FGF14: variants seen among roughly 807,000 people sequenced by gnomAD.
FGF14 encodes the protein fibroblast growth factor homologous factor 4.
In FGF14, 5 loss-of-function variants were observed where a neutral mutation model predicts 25.5. The ratio of observed to expected loss-of-function variants is 0.20; its 90% CI spans 0.10 to 0.41. FGF14 has a LOEUF of 0.41. FGF14 is among the 10% of genes least tolerant of loss of function. FGF14 has a pLI of 1.00. For missense variants in FGF14, 222 were observed against 320.1 expected, an observed-to-expected ratio of 0.69 and a Z score of 2.34; for synonymous variants, 138 against 118.3, an observed-to-expected ratio of 1.17 and a Z score of -1.08.
chr13:102,029,593 A>T (rs536053406), intron 1 of FGF14, among the ~76,000 whole-genome samples: 1 of 152,256 alleles, frequency 6.6e-6, no homozygotes, highest in African/African-American at 2.4e-5. Flanking sequence ...CAGCTCCTCC[A>T]GGCTATGATT....
intron 1 of FGF14, among the ~76,000 whole-genome samples, chr13:101,927,992 T>G (rs2034484857): frequency 6.6e-6 from 1 of 152,110 alleles, no homozygotes; most frequent in African/African-American, 2.4e-5. Context: ...CCCTCTTTCA[T>G]CCCCGGTGAC....
chr13:102,146,781 A>G (rs1422545847), intron 1 of FGF14, among the ~76,000 whole-genome samples: 1 of 152,190 alleles, frequency 6.6e-6, no homozygotes, highest in Non-Finnish European at 1.5e-5. Flanking sequence ...CGATAAAAAT[A>G]TACATTTTTT....
At chr13:102,392,107 A>G (rs1231152970) in intron 1 of FGF14, among the ~76,000 whole-genome samples, 1 of 152,252 alleles carries the variant, frequency 6.6e-6, no homozygotes, top group East Asian at 1.9e-4. Context: ...AGCATTACAG[A>G]TAAGGTTACC....
Position 101,719,176 on chromosome 13 carries a change from AACTT to A in FGF14, c.*3651_*3654del, listed in dbSNP as rs1275174747. On this transcript the variant is annotated 3_prime_UTR_variant, in exon 5 of 5. Coordinates refer to ENST00000376143, the MANE Select transcript of FGF14 (RefSeq NM_004115.4). ...ATTTTAAATGAAGTGATACGTGTCT[AACTT>A]ACTTAAAGAATAAGTTTTTGGTTTT... 3 of 152,156 alleles carry A rather than the reference AACTT, an allele frequency of 2.0e-5. No homozygotes were observed. Among genetic ancestry groups the A allele is most frequent in the African/African-American group, 4.8e-5 (2 of 41,442 alleles). The allele number at this position is 152,156 out of a possible 1,614,324, so 9.4% of individuals were successfully genotyped here. A position where few individuals can be genotyped will look rare whatever the true frequency, so the allele number is the denominator to read the frequency against.
chr13:102,188,275 A>C (rs1055864954), intron 1 of FGF14, among the ~76,000 whole-genome samples: 9 of 152,216 alleles, frequency 5.9e-5, no homozygotes, highest in African/African-American at 2.2e-4. Flanking sequence ...ATAAAAATTT[A>C]GACTGGGAAA....
intron 1 of FGF14, among the ~76,000 whole-genome samples, chr13:102,322,240 T>G (rs916300200): frequency 6.6e-6 from 1 of 152,244 alleles, no homozygotes; most frequent in Non-Finnish European, 1.5e-5. Flanking sequence ...AGTGGCTTAA[T>G]GCTTGCCGTG....
chr13:101,910,873 TGTGTGTGTGTGTGTGTGTG>T (rs2032858296), intron 1 of FGF14, among the ~76,000 whole-genome samples: 1 of 150,356 alleles, frequency 6.7e-6, no homozygotes, highest in South Asian at 2.1e-4. Flanking sequence ...TGTGTGTGTG[TGTGTGTGTGTGTGTGTGTG>T]TTTTAGTTGT....
chr13:102,096,036 C>T, intron 1 of FGF14, among the ~76,000 whole-genome samples: 2 of 147,942 alleles, frequency 1.4e-5, no homozygotes, highest in African/African-American at 2.5e-5. Flanking sequence ...CTTTATTTGA[C>T]ATAAAGAGGA....
At chr13:102,298,969 C>T (rs2054879294) in intron 1 of FGF14, among the ~76,000 whole-genome samples, 1 of 152,130 alleles carries the variant, frequency 6.6e-6, no homozygotes. Flanking sequence ...ATACAGATTA[C>T]ACTAGACGTG....
chr13:102,232,954 C>T (rs1362933338), intron 1 of FGF14, among the ~76,000 whole-genome samples: 1 of 152,078 alleles, frequency 6.6e-6, no homozygotes, highest in Non-Finnish European at 1.5e-5. Flanking sequence ...AGGAGTGTCC[C>T]CCACCTTTTC....
At chr13:101,753,433 C>CT (rs1488759321) in intron 3 of FGF14, among the ~76,000 whole-genome samples, 1 of 151,962 alleles carries the variant, frequency 6.6e-6, no homozygotes, top group Non-Finnish European at 1.5e-5. Context: ...TATTGATTTG[C>CT]TTTTTTGGAT....
At chr13:102,180,305 A>G (rs1182705488) in intron 1 of FGF14, among the ~76,000 whole-genome samples, 6 of 151,884 alleles carry the variant, frequency 4.0e-5, no homozygotes, top group Non-Finnish European at 4.4e-5. Flanking sequence ...AAGAGAAGCT[A>G]TTTTCATTAC....
At chr13:102,037,112 T>G (rs1190413630) in intron 1 of FGF14, among the ~76,000 whole-genome samples, 1 of 152,176 alleles carries the variant, frequency 6.6e-6, no homozygotes, top group Non-Finnish European at 1.5e-5. Context: ...ATTACTATCA[T>G]GGATTAAAAG....
chr13:101,831,212 G>A (rs1226635059), intron 3 of FGF14, among the ~76,000 whole-genome samples: 6 of 151,650 alleles, frequency 4.0e-5, no homozygotes, highest in South Asian at 2.1e-4. Context: ...AGTACCAGAC[G>A]TCTAATAAGT....
intron 3 of FGF14, among the ~76,000 whole-genome samples, chr13:101,868,188 T>C (rs566611021): frequency 9.2e-5 from 14 of 152,170 alleles, no homozygotes; most frequent in Admixed American, 2.0e-4. Flanking sequence ...TGCAAATCGG[T>C]TGTAAATAGA....
intron 1 of FGF14, among the ~76,000 whole-genome samples, chr13:102,373,820 A>G (rs181408252): frequency 6.6e-6 from 1 of 152,292 alleles, no homozygotes; most frequent in East Asian, 1.9e-4. Flanking sequence ...GAGATCTTGT[A>G]GAACAACAGC....
At chr13:101,976,948 T>C (rs1164351419) in intron 1 of FGF14, among the ~76,000 whole-genome samples, 7 of 152,214 alleles carry the variant, frequency 4.6e-5, no homozygotes, top group African/African-American at 1.4e-4. Context: ...CCTCAGTGCA[T>C]AGCTTGTGAA....
At chr13:102,132,471 T>A in intron 1 of FGF14, among the ~76,000 whole-genome samples, 1 of 152,058 alleles carries the variant, frequency 6.6e-6, no homozygotes, top group East Asian at 1.9e-4. Flanking sequence ...CATAGGCAGT[T>A]TTCTGTCTCG....
intron 1 of FGF14, among the ~76,000 whole-genome samples, chr13:102,092,036 A>G (rs1199395365): frequency 3.3e-5 from 5 of 152,226 alleles, no homozygotes; most frequent in Non-Finnish European, 5.9e-5. Context: ...TGCAACAGCT[A>G]CTGGTACTGA....
Sources: allele counts gnomAD v4.1 joint callset (sites outside exome capture counted in the v4.1 genomes callset), GRCh38; gene constraint gnomAD v4.1.1; transcripts MANE v1.5; gene names NCBI Gene and HGNC (gene_info 2026-07-23, HGNC 2026-07-21).